The following CHN1 variants were observed in gnomAD, a reference collection of about 807,000 sequenced individuals.
The protein encoded by CHN1 is chimerin 1.
A neutral mutation model predicts 59.5 loss-of-function variants in CHN1; 37 were observed. That is an observed-to-expected ratio of 0.62 (90% CI 0.48 to 0.82). The LOEUF (loss-of-function observed/expected upper bound fraction) is 0.82, where lower values mean the gene tolerates loss of function less well. CHN1 is among the 40% of genes least tolerant of loss of function. The pLI is 0.00. For synonymous variants in CHN1, 206 were observed against 200.4 expected, an observed-to-expected ratio of 1.03 and a Z score of -0.24; for missense variants, 469 against 571.0, an observed-to-expected ratio of 0.82 and a Z score of 1.82.
intron 1 of CHN1, among the ~76,000 whole-genome samples, chr2:174,959,654 C>T (rs930125025): frequency 6.6e-6 from 1 of 152,140 alleles, no homozygotes. Flanking sequence ...GAGGCAGAGA[C>T]ATTCCTGAAA....
At chr2:174,930,305 G>A (rs79149324) in intron 3 of CHN1, among the ~76,000 whole-genome samples, 1,867 of 152,310 alleles carry the variant, frequency 0.012, 30 homozygotes, top group African/African-American at 0.042. Context: ...ATTACTTGGT[G>A]ATTATTGCAG....
chr2:174,899,522 T>C (rs938002548), intron 5 of CHN1, among the ~76,000 whole-genome samples: 2 of 152,196 alleles, frequency 1.3e-5, no homozygotes, highest in African/African-American at 4.8e-5. Context: ...AAGCTAAACA[T>C]TGGTTTTAAA....
intron 1 of CHN1, among the ~76,000 whole-genome samples, chr2:174,994,913 A>G (rs1005452942): frequency 9.9e-5 from 15 of 152,220 alleles, no homozygotes; most frequent in Admixed American, 8.5e-4. Context: ...GACGATTTTA[A>G]GGAGGGAAGT....
At chr2:174,808,802 G>A in intron 11 of CHN1, 103 bp downstream of exon 11, 1 of 1,251,616 alleles carries the variant, frequency 8.0e-7, no homozygotes, top group South Asian at 1.3e-5. Context: ...AGAGGCAAAG[G>A]GGAAACATTT....
At chr2:174,974,777 T>C (rs924976379) in intron 1 of CHN1, among the ~76,000 whole-genome samples, 6 of 152,120 alleles carry the variant, frequency 3.9e-5, no homozygotes, top group African/African-American at 1.2e-4. Flanking sequence ...AACCATGAGA[T>C]TGGTTTCCTT....
At chr2:174,847,507 C>G (rs1686566147) in intron 6 of CHN1, 6 of 1,202,540 alleles carry the variant, frequency 5.0e-6, no homozygotes, top group Non-Finnish European at 6.3e-6. Flanking sequence ...CTTCTCTATT[C>G]AAGATATTAA....
At chr2:174,997,813 C>T (rs1327331079) in intron 1 of CHN1, among the ~76,000 whole-genome samples, 1 of 151,782 alleles carries the variant, frequency 6.6e-6, no homozygotes, top group South Asian at 2.1e-4. Context: ...GGGAGGATCA[C>T]GAGGTCAGGA....
chr2:174,997,283 TG>T (rs1187087558), intron 1 of CHN1, among the ~76,000 whole-genome samples: 1 of 152,190 alleles, frequency 6.6e-6, no homozygotes, highest in Admixed American at 6.5e-5. Flanking sequence ...GAACGTCCTC[TG>T]CTTTTTCACA....
intron 5 of CHN1, among the ~76,000 whole-genome samples, chr2:174,893,683 G>C (rs191704898): frequency 2.4e-4 from 36 of 152,110 alleles, no homozygotes; most frequent in Non-Finnish European, 3.8e-4. Flanking sequence ...AACGATCTTG[G>C]GAAAGACAAA....
At chr2:174,984,575 G>A (rs1691275609) in intron 1 of CHN1, among the ~76,000 whole-genome samples, 1 of 152,030 alleles carries the variant, frequency 6.6e-6, no homozygotes, top group Non-Finnish European at 1.5e-5. Context: ...CACCATATTG[G>A]CCAGGATGGT....
intron 1 of CHN1, among the ~76,000 whole-genome samples, chr2:174,979,108 G>T (rs1415204588): frequency 6.6e-6 from 1 of 152,204 alleles, no homozygotes; most frequent in Non-Finnish European, 1.5e-5. Context: ...CTAGACTAGG[G>T]TTGTTAATGG....
chr2:174,847,583 T>C, intron 6 of CHN1: 2 of 1,296,176 alleles, frequency 1.5e-6, no homozygotes, highest in South Asian at 2.8e-5. Flanking sequence ...AGACACCCTA[T>C]GAAGCCCCTA....
At chr2:174,854,197 TTTG>T (rs1004863600) in intron 6 of CHN1, among the ~76,000 whole-genome samples, 4 of 152,288 alleles carry the variant, frequency 2.6e-5, no homozygotes, top group South Asian at 4.1e-4. Flanking sequence ...TTAATACTGT[TTTG>T]TTATTATAAT....
intron 7 of CHN1, among the ~76,000 whole-genome samples, chr2:174,840,546 C>G (rs1000787739): frequency 6.6e-6 from 1 of 152,084 alleles, no homozygotes; most frequent in Admixed American, 6.6e-5. Context: ...ATATATCCAG[C>G]AGTCAAGGAC....
rs570475119 is a variant in CHN1 at position 174,988,911 on chromosome 2, G to A, written c.19+15983C>T. Among the ~76,000 whole-genome samples, 58 of 152,144 alleles carry A rather than the reference G, an allele frequency of 3.8e-4. No individual in the cohort carries two copies. In the South Asian group the frequency reaches 0.011, roughly 30 times the overall value. Reference sequence around the variant, plus strand: ...TACCATTTCTGTCTGCATTCAAATCGTAAGTCAGAAAAAGTACTGTTCAAT... The same window carrying A: ...TACCATTTCTGTCTGCATTCAAATCATAAGTCAGAAAAAGTACTGTTCAAT... On this transcript the variant is annotated intron_variant, in intron 1 of 12. Transcript: ENST00000409900.
rs73973642 is a variant in CHN1 at position 174,893,394 on chromosome 2, C to T, written c.261-15266G>A. The stretch of plus-strand genomic sequence containing the variant: ...CAAGAGTATCAAAAAGAATAAAATA[C>T]TTAGAAATAAACTTAAAAGGCAAAA... On this transcript the variant is annotated intron_variant, in intron 5 of 12. Coordinates refer to ENST00000409900, the MANE Select transcript of CHN1 (RefSeq NM_001822.7). Among the ~76,000 whole-genome samples, 1,282 of 152,126 alleles carry T rather than the reference C, an allele frequency of 8.4e-3. 21 individuals carry two copies. The highest frequency in any genetic ancestry group is 0.03 in the African/African-American group (1,225 of 41,510).
At chr2:174,817,106 T>C (rs1417770183) in intron 8 of CHN1, among the ~76,000 whole-genome samples, 1 of 152,202 alleles carries the variant, frequency 6.6e-6, no homozygotes, top group African/African-American at 2.4e-5. Flanking sequence ...ATGTATACCA[T>C]ACACTACATC....
chr2:174,951,350 C>A (rs1209975130), intron 2 of CHN1, among the ~76,000 whole-genome samples: 1 of 152,100 alleles, frequency 6.6e-6, no homozygotes, highest in Non-Finnish European at 1.5e-5. Context: ...ATTGCTGTTC[C>A]TTCAGTCAGC....
chr2:174,804,049 A>T (rs1249026491), intron 11 of CHN1, among the ~76,000 whole-genome samples: 1 of 152,216 alleles, frequency 6.6e-6, no homozygotes, highest in African/African-American at 2.4e-5. Flanking sequence ...ATAAACCATG[A>T]ATATGATATA....
Sources: allele counts gnomAD v4.1 joint callset (sites outside exome capture counted in the v4.1 genomes callset), GRCh38; gene constraint gnomAD v4.1.1; transcripts MANE v1.5; gene names NCBI Gene and HGNC (gene_info 2026-07-23, HGNC 2026-07-21).